Variants in XIRP2 observed in about 807,000 individuals in gnomAD.
XIRP2 encodes xin actin-binding repeat-containing protein 2.
Under a neutral mutation model 277.0 loss-of-function variants are expected in XIRP2, and 236 were observed. That is an observed-to-expected ratio of 0.85 (90% confidence interval 0.77 to 0.95). The LOEUF is 0.95. Among genes scored for constraint, XIRP2 ranks in the 40% least tolerant of loss-of-function variants. The pLI, the probability that XIRP2 is intolerant of heterozygous loss-of-function variation, is 0.00. For synonymous variants in XIRP2, 1,490 were observed against 1,416.5 expected, an observed-to-expected ratio of 1.05 and a Z score of -1.17; for missense variants, 4,640 against 4,157.5, an observed-to-expected ratio of 1.12 and a Z score of -3.19.
At chr2:167,168,719 AT>A in intron 3 of XIRP2, among the ~76,000 whole-genome samples, 1 of 152,240 alleles carries the variant, frequency 6.6e-6, no homozygotes, top group East Asian at 1.9e-4. Flanking sequence ...GGTTCACACC[AT>A]TCTCCTGCCT....
intron 2 of XIRP2, among the ~76,000 whole-genome samples, chr2:167,027,907 T>G (rs1688219254): frequency 6.6e-6 from 1 of 152,044 alleles, no homozygotes; most frequent in Non-Finnish European, 1.5e-5. Context: ...AAATAACACA[T>G]TTGCCTAGCA....
At chr2:167,218,761 A>G (rs547592154) in intron 5 of XIRP2, among the ~76,000 whole-genome samples, 247 of 152,318 alleles carry the variant, frequency 1.6e-3, no homozygotes, top group Non-Finnish European at 2.7e-3. Flanking sequence ...ATTGAATAGT[A>G]GAGCCCAGAT....
At chr2:166,906,663 T>G (rs1191102041) in intron 2 of XIRP2, among the ~76,000 whole-genome samples, 1 of 152,046 alleles carries the variant, frequency 6.6e-6, no homozygotes, top group African/African-American at 2.4e-5. Context: ...CTCTTAATGT[T>G]TTTCTCAAAA....
intron 2 of XIRP2, among the ~76,000 whole-genome samples, chr2:167,021,791 C>T (rs1389643461): frequency 6.6e-6 from 1 of 152,026 alleles, no homozygotes; most frequent in East Asian, 1.9e-4. Flanking sequence ...TGTCACTGTA[C>T]TCCAGCCTGG....
At chr2:166,935,231 G>T (rs1368226689) in intron 2 of XIRP2, among the ~76,000 whole-genome samples, 1 of 152,144 alleles carries the variant, frequency 6.6e-6, no homozygotes, top group Non-Finnish European at 1.5e-5. Context: ...CAGGGAACAG[G>T]TCTGTGATGT....
chr2:166,922,633 A>G (rs1685081386), intron 2 of XIRP2, among the ~76,000 whole-genome samples: 1 of 152,020 alleles, frequency 6.6e-6, no homozygotes, highest in South Asian at 2.1e-4. Context: ...CAAATAATAT[A>G]TACTGCTGCA....
intron 2 of XIRP2, among the ~76,000 whole-genome samples, chr2:166,959,329 G>T (rs566160054): frequency 6.6e-6 from 1 of 151,974 alleles, no homozygotes; most frequent in African/African-American, 2.4e-5. Context: ...CCATGGACAA[G>T]TGCAATAACT....
At chr2:167,210,605 A>G (rs891787471) in intron 3 of XIRP2, 130 bp from the exon 4 acceptor site, 131 of 1,261,260 alleles carry the variant, frequency 1.0e-4, no homozygotes, top group Non-Finnish European at 1.3e-4. Context: ...TGAGACATTG[A>G]AAATATTGTG....
At chr2:167,115,822 T>G (rs1313164045) in intron 2 of XIRP2, among the ~76,000 whole-genome samples, 1 of 152,176 alleles carries the variant, frequency 6.6e-6, no homozygotes, top group African/African-American at 2.4e-5. Context: ...GCAGAACTAC[T>G]GGGTTGGAAG....
At chr2:167,206,535 A>T (rs1693856682) in intron 3 of XIRP2, among the ~76,000 whole-genome samples, 1 of 152,184 alleles carries the variant, frequency 6.6e-6, no homozygotes. Flanking sequence ...GTCTCTGCTA[A>T]AAATCAGACG....
At chr2:166,913,481 T>C (rs1684776173) in intron 2 of XIRP2, among the ~76,000 whole-genome samples, 1 of 152,156 alleles carries the variant, frequency 6.6e-6, no homozygotes. Flanking sequence ...TCTGTGTCGC[T>C]CACGCTGGGA....
At chr2:167,163,087 C>T (rs1378839144) in intron 3 of XIRP2, among the ~76,000 whole-genome samples, 1 of 152,126 alleles carries the variant, frequency 6.6e-6, no homozygotes, top group Non-Finnish European at 1.5e-5. Flanking sequence ...TCTTTATGGA[C>T]AGCTAGGCTA....
intron 5 of XIRP2, among the ~76,000 whole-genome samples, chr2:167,223,150 T>A (rs1694480663): frequency 1.3e-5 from 2 of 152,212 alleles, no homozygotes; most frequent in Admixed American, 1.3e-4. Flanking sequence ...TATGCAGTAC[T>A]GAGGAGCTCT....
intron 5 of XIRP2, among the ~76,000 whole-genome samples, chr2:167,237,734 G>A (rs1449976591): frequency 6.6e-6 from 1 of 152,148 alleles, no homozygotes; most frequent in Non-Finnish European, 1.5e-5. Flanking sequence ...GCCCCTCATA[G>A]GGACCTTGGT....
intron 2 of XIRP2, among the ~76,000 whole-genome samples, chr2:166,930,765 G>A (rs954123166): frequency 1.3e-5 from 2 of 151,986 alleles, no homozygotes; most frequent in Non-Finnish European, 2.9e-5. Flanking sequence ...CTTTTTTCCT[G>A]CTATTTTCTC....
chr2:166,988,474 AAT>A (rs1463162417), intron 2 of XIRP2, among the ~76,000 whole-genome samples: 1 of 134,434 alleles, frequency 7.4e-6, no homozygotes, highest in African/African-American at 3.0e-5. Context: ...AAGATGGCCG[AAT>A]AGGAACAGCT....
intron 3 of XIRP2, among the ~76,000 whole-genome samples, chr2:167,194,530 A>T (rs1310131580): frequency 1.3e-5 from 2 of 152,174 alleles, no homozygotes; most frequent in African/African-American, 2.4e-5. Context: ...CATTATAACC[A>T]GCCTTGAAAT....
At chr2:167,186,160 T>G (rs768969360) in intron 3 of XIRP2, among the ~76,000 whole-genome samples, 26 of 152,188 alleles carry the variant, frequency 1.7e-4, no homozygotes, top group Non-Finnish European at 3.7e-4. Context: ...ATGTGCTTAA[T>G]AGCTATCATA....
intron 7 of XIRP2, 38 bp from the exon 8 acceptor site, chr2:167,241,739 A>G (rs1695073810): frequency 6.4e-7 from 1 of 1,563,760 alleles, no homozygotes; most frequent in African/African-American, 1.4e-5. Flanking sequence ...AATTTTTAGT[A>G]ATTACATAGT....
Sources: allele counts gnomAD v4.1 joint callset (sites outside exome capture counted in the v4.1 genomes callset), GRCh38; gene constraint gnomAD v4.1.1; transcripts MANE v1.5; gene names NCBI Gene and HGNC (gene_info 2026-07-23, HGNC 2026-07-21).